Variants in LRP8 observed in about 807,000 individuals in gnomAD.
The protein encoded by LRP8 is LDL receptor related protein 8.
In LRP8, 46 loss-of-function variants were observed where a neutral mutation model predicts 111.6. The ratio of observed to expected loss-of-function variants is 0.41; its 90% CI spans 0.33 to 0.53. LRP8 has a LOEUF of 0.53. Among genes scored for constraint, LRP8 ranks in the 20% least tolerant of loss-of-function variants. The probability of loss-of-function intolerance (pLI) is 0.20; values close to 1 mark genes in which losing one functional copy is unlikely to be tolerated. For synonymous variants in LRP8, 464 were observed against 511.2 expected (o/e 0.91, Z 1.24); for missense variants, 959 against 1,297.4 (o/e 0.74, Z 4.01).
At chr1:53,299,858 G>T (rs901652193) in intron 2 of LRP8, among the ~76,000 whole-genome samples, 7 of 152,248 alleles carry the variant, frequency 4.6e-5, no homozygotes, top group African/African-American at 1.7e-4. Context: ...TTCATGGCAT[G>T]GTGAGTTGGA....
intron 2 of LRP8, among the ~76,000 whole-genome samples, chr1:53,308,280 T>G (rs1352578917): frequency 6.6e-6 from 1 of 152,172 alleles, no homozygotes; most frequent in African/African-American, 2.4e-5. Context: ...ACCAGAGAGT[T>G]AGTGCTGAGA....
intron 16 of LRP8, among the ~76,000 whole-genome samples, chr1:53,253,946 T>C (rs1300534118): frequency 6.6e-6 from 1 of 152,182 alleles, no homozygotes; most frequent in Non-Finnish European, 1.5e-5. Context: ...GACTGAAAGC[T>C]CTTAAAGTCT....
intron 3 of LRP8, among the ~76,000 whole-genome samples, chr1:53,282,771 G>A (rs1188315019): frequency 6.6e-6 from 1 of 152,128 alleles, no homozygotes. Flanking sequence ...GAACCCCTGG[G>A]TTGGTTAACA....
chr1:53,277,314 T>A (rs1364750721), intron 4 of LRP8, among the ~76,000 whole-genome samples: 1 of 152,092 alleles, frequency 6.6e-6, no homozygotes, highest in Non-Finnish European at 1.5e-5. Context: ...ACTGGGTAAA[T>A]GAGCATGAGC....
At chr1:53,327,401 C>T (rs946109835) in intron 1 of LRP8, 1 of 259,422 alleles carries the variant, frequency 3.9e-6, no homozygotes, top group African/African-American at 2.2e-5. Context: ...CAGGGGTCTG[C>T]GGAAACGCAT....
chr1:53,297,445 G>A (rs377133825), intron 2 of LRP8, among the ~76,000 whole-genome samples: 5 of 152,182 alleles, frequency 3.3e-5, no homozygotes, highest in South Asian at 4.1e-4. Context: ...GCCAGCACCC[G>A]CGTGTGGTGG....
chr1:53,263,180 C>A (rs1005370355), intron 10 of LRP8, among the ~76,000 whole-genome samples: 1 of 152,170 alleles, frequency 6.6e-6, no homozygotes, highest in Non-Finnish European at 1.5e-5. Flanking sequence ...AGGTGCAACA[C>A]AAGGTCTGCA....
Position 53,277,007 on chromosome 1 carries a change from C to A in LRP8, c.568G>T (p.Asp190Tyr). ...LAAVFVCDGDDDCGDGSDERG... is the reference protein window; with the variant it reads ...LAAVFVCDGDYDCGDGSDERG... The stretch of plus-strand genomic sequence containing the variant: ...TCATCGCTGCCGTCACCACAGTCGT[C>A]GTCGCCGTCGCACACGAACACGGCG... The change falls in exon 5 of 19, where the codon GAC becomes TAC. Residue 190 changes from aspartate (D) to tyrosine (Y), a missense_variant. Physicochemically the swap from Asp to Tyr is radical, Grantham distance 160. Transcript: ENST00000306052. 6.6e-7 allele frequency: 1 copy of A among 1,517,662 alleles called. No homozygotes were observed. Among genetic ancestry groups the A allele is most frequent in the Non-Finnish European group, 8.8e-7 (1 of 1,136,756 alleles). 94.0% of individuals were successfully genotyped at this position (1,517,662 alleles called of 1,614,324 possible).
At chr1:53,248,730 C>G (rs1047274612) in intron 18 of LRP8, among the ~76,000 whole-genome samples, 1 of 152,216 alleles carries the variant, frequency 6.6e-6, no homozygotes, top group Non-Finnish European at 1.5e-5. Flanking sequence ...TTCTCTGCAA[C>G]TGGCAGAAGC....
chr1:53,251,784 C>T (rs1189565358), intron 16 of LRP8, among the ~76,000 whole-genome samples: 4 of 151,932 alleles, frequency 2.6e-5, no homozygotes, highest in Non-Finnish European at 1.5e-5. Flanking sequence ...TGGCTCACGC[C>T]TGTAATCCCA....
intron 14 of LRP8, 79 bp downstream of exon 14, chr1:53,258,240 T>C: frequency 7.0e-7 from 1 of 1,428,784 alleles, no homozygotes; most frequent in Non-Finnish European, 9.6e-7. Context: ...GCATACTGTG[T>C]CCCAGAAGCC....
At chr1:53,276,667 G>T in intron 5 of LRP8, 25 bp downstream of exon 5, 2 of 1,511,930 alleles carry the variant, frequency 1.3e-6, no homozygotes, top group Non-Finnish European at 1.8e-6. Context: ...CCTGGGCGGG[G>T]CTGGGCGGTA....
At chr1:53,286,663 A>G (rs1049487705) in intron 3 of LRP8, among the ~76,000 whole-genome samples, 1 of 152,274 alleles carries the variant, frequency 6.6e-6, no homozygotes, top group Non-Finnish European at 1.5e-5. Context: ...AGAGGGAAAC[A>G]GAGCTGGGAG....
intron 4 of LRP8, 39 bp downstream of exon 4, chr1:53,280,545 GACC>G (rs1647072371): frequency 3.7e-6 from 6 of 1,600,140 alleles, no homozygotes; most frequent in Non-Finnish European, 5.1e-6. Flanking sequence ...GAGGCTGCCT[GACC>G]ATGCTTGGCA....
chr1:53,250,586 A>AGGGAGGGAAGAAAGGAT lies in LRP8; in HGVS notation c.2676+87_2676+103dup. On this transcript the variant is annotated intron_variant, in intron 17 of 18. Coordinates refer to ENST00000306052, the MANE Select transcript of LRP8 (RefSeq NM_004631.5). This position sits in a 1 kb window ranked among gnomAD's most constrained non-coding sequence, Gnocchi z 4.6. ...AGGGAGGGAAGGACGGAAGGAAGGAAGGGAGGGAAGAAAGGATGGGAAGGA... is the reference window on the plus strand; with the variant it reads ...AGGGAGGGAAGGACGGAAGGAAGGAAGGGAGGGAAGAAAGGATGGGAGGGAAGAAAGGATGGGAAGGA... 3.1e-6 allele frequency: 3 copies of AGGGAGGGAAGAAAGGAT among 959,144 alleles called. No homozygotes were observed. Among genetic ancestry groups the AGGGAGGGAAGAAAGGAT allele is most frequent in the South Asian group, 1.5e-5 (1 of 65,308 alleles). 59.4% of individuals were successfully genotyped at this position (959,144 alleles called of 1,614,324 possible).
At chr1:53,310,581 A>G (rs1013214710) in intron 2 of LRP8, among the ~76,000 whole-genome samples, 1 of 152,110 alleles carries the variant, frequency 6.6e-6, no homozygotes, top group Non-Finnish European at 1.5e-5. Context: ...GCCTGTGAGG[A>G]GCTGGGCTGG....
chr1:53,288,756 GGCTCACGCTGCTGAA>G (rs1443270101), intron 3 of LRP8, among the ~76,000 whole-genome samples: 1 of 152,158 alleles, frequency 6.6e-6, no homozygotes, highest in Non-Finnish European at 1.5e-5. Flanking sequence ...TTTTGTCTCG[GGCTCACGCTGCTGAA>G]GCTCTGCCTC....
At chr1:53,282,190 C>T (rs1647135164) in intron 3 of LRP8, among the ~76,000 whole-genome samples, 1 of 152,124 alleles carries the variant, frequency 6.6e-6, no homozygotes, top group Non-Finnish European at 1.5e-5. Flanking sequence ...GTCAAGGTCC[C>T]TGGACACCAC....
intron 2 of LRP8, among the ~76,000 whole-genome samples, chr1:53,297,616 G>A (rs1277526245): frequency 1.3e-5 from 2 of 152,220 alleles, no homozygotes; most frequent in East Asian, 3.8e-4. Context: ...GGAGACACAC[G>A]AAGGGCTCCA....
Sources: allele counts gnomAD v4.1 joint callset (sites outside exome capture counted in the v4.1 genomes callset), GRCh38; gene constraint gnomAD v4.1.1; non-coding constraint Gnocchi (gnomAD v3.1); transcripts MANE v1.5; gene names NCBI Gene and HGNC (gene_info 2026-07-23, HGNC 2026-07-21).